MAML2: variants seen among roughly 807,000 people sequenced by gnomAD.
MAML2 encodes the protein mastermind-like protein 2.
In MAML2, 22 loss-of-function variants were observed where a neutral mutation model predicts 96.1. The ratio of observed to expected loss-of-function variants is 0.23; its 90% CI spans 0.16 to 0.33. The LOEUF is 0.33. Ranked by LOEUF, MAML2 falls within the 10% of genes least tolerant of loss-of-function variation. The pLI is 1.00. For synonymous variants in MAML2, 561 were observed against 521.3 expected (o/e 1.08, Z -1.04); for missense variants, 1,367 against 1,392.4 (o/e 0.98, Z 0.29).
At chr11:96,070,707 G>A (rs765131989) in intron 2 of MAML2, among the ~76,000 whole-genome samples, 2 of 152,268 alleles carry the variant, frequency 1.3e-5, no homozygotes, top group Non-Finnish European at 2.9e-5. Flanking sequence ...CAGGTCGGTA[G>A]TGTGAGCTGA....
At chr11:96,006,384 G>A (rs1229736895) in intron 2 of MAML2, among the ~76,000 whole-genome samples, 2 of 152,148 alleles carry the variant, frequency 1.3e-5, no homozygotes, top group Non-Finnish European at 2.9e-5. Flanking sequence ...CTACTGTGGA[G>A]AAGACTGAGG....
rs527744642 is a variant in MAML2 at position 96,042,634 on chromosome 11, G to T, written c.2139+49258C>A. 2.6e-5 allele frequency among the ~76,000 whole-genome samples: 4 copies of T among 152,136 alleles called. No homozygotes were observed. The East Asian group carries it at 5.8e-4, about 22-fold the overall frequency. ...ATCCTACCTTTTCGTCTTTAAGCCA[G>T]GCCTGTTCCCCATGAAGCCTTTTCT... On this transcript the variant is annotated intron_variant, in intron 2 of 4. Coordinates refer to ENST00000524717, the MANE Select transcript of MAML2 (RefSeq NM_032427.4).
chr11:96,034,809 C>T (rs2135749797), intron 2 of MAML2, among the ~76,000 whole-genome samples: 1 of 152,196 alleles, frequency 6.6e-6, no homozygotes, highest in South Asian at 2.1e-4. Context: ...CATATTTTGT[C>T]TAGATGGCAT....
chr11:95,998,326 G>A (rs1183136586), intron 2 of MAML2, among the ~76,000 whole-genome samples: 1 of 152,114 alleles, frequency 6.6e-6, no homozygotes, highest in African/African-American at 2.4e-5. Flanking sequence ...CATTCTTGAT[G>A]TATTATTTGG....
chr11:96,212,795 A>T (rs147784180), intron 1 of MAML2, among the ~76,000 whole-genome samples: 202 of 152,326 alleles, frequency 1.3e-3, no homozygotes, highest in African/African-American at 4.4e-3. Context: ...TCTGACATAA[A>T]GGAGCAAGAA....
At chr11:96,262,284 T>A (rs11021504) in intron 1 of MAML2, among the ~76,000 whole-genome samples, 45,344 of 152,094 alleles carry the variant, frequency 0.3, 8,108 homozygotes, top group East Asian at 0.53. Context: ...TGTGCTGATT[T>A]AAGGTCATTT....
chr11:96,098,524 G>A lies in MAML2; in HGVS notation c.514-5007C>T, dbSNP rs997284990. 6.6e-5 allele frequency among the ~76,000 whole-genome samples: 10 copies of A among 152,320 alleles called. No homozygotes were observed. In the South Asian group the frequency reaches 2.1e-3, roughly 32 times the overall value. ...CCCTTTCACTGGCCATCCGAGGAAG[G>A]GGCTTGTTTTGGGAATGATTTTCAA... is the stretch of plus-strand genomic sequence containing the variant. On this transcript the variant is annotated intron_variant, in intron 1 of 4. Coordinates refer to ENST00000524717, the MANE Select transcript of MAML2 (RefSeq NM_032427.4).
intron 1 of MAML2, among the ~76,000 whole-genome samples, chr11:96,161,403 A>T (rs1179520193): frequency 6.6e-6 from 1 of 152,226 alleles, no homozygotes; most frequent in Non-Finnish European, 1.5e-5. Context: ...CTTGAGCAGA[A>T]CAGCCCGGAT....
At chr11:96,232,391 G>A (rs769371544) in intron 1 of MAML2, among the ~76,000 whole-genome samples, 4 of 152,208 alleles carry the variant, frequency 2.6e-5, no homozygotes, top group Non-Finnish European at 4.4e-5. Flanking sequence ...TATCCAAGGA[G>A]AGCTTCCTAA....
At chr11:96,160,615 A>G (rs1217447107) in intron 1 of MAML2, among the ~76,000 whole-genome samples, 1 of 152,050 alleles carries the variant, frequency 6.6e-6, no homozygotes. Context: ...TTTAGTACAT[A>G]TGGGGTTTTG....
intron 1 of MAML2, among the ~76,000 whole-genome samples, chr11:96,159,404 A>ATTTTTTTTTTTTTTTTGTTTTTTT (rs1157893034): frequency 1.6e-5 from 1 of 62,000 alleles, no homozygotes; most frequent in Non-Finnish European, 3.2e-5. Context: ...TAAACCACTG[A>ATTTTTTTTTTTTTTTTGTTTTTTT]TTCTTTTTTT....
At chr11:96,168,784 G>A (rs1289254875) in intron 1 of MAML2, among the ~76,000 whole-genome samples, 1 of 152,152 alleles carries the variant, frequency 6.6e-6, no homozygotes, top group Non-Finnish European at 1.5e-5. Flanking sequence ...GGGAGGAAAT[G>A]AAGTACATAA....
intron 2 of MAML2, among the ~76,000 whole-genome samples, chr11:96,085,457 A>C (rs1859594580): frequency 6.6e-6 from 1 of 152,164 alleles, no homozygotes; most frequent in African/African-American, 2.4e-5. Context: ...CTTCTACCAA[A>C]CTGATAACAA....
At chr11:96,041,492 A>G (rs989827257) in intron 2 of MAML2, among the ~76,000 whole-genome samples, 4 of 120,098 alleles carry the variant, frequency 3.3e-5, no homozygotes, top group Admixed American at 1.9e-4. Context: ...GAAAGAAAGA[A>G]GGAAAGGAAG....
At chr11:96,164,877 T>C (rs2135893335) in intron 1 of MAML2, among the ~76,000 whole-genome samples, 1 of 152,318 alleles carries the variant, frequency 6.6e-6, no homozygotes, top group East Asian at 1.9e-4. Context: ...AACCCACCCA[T>C]CCTTTCTATT....
intron 2 of MAML2, among the ~76,000 whole-genome samples, chr11:95,999,251 G>C (rs979647476): frequency 6.6e-6 from 1 of 152,016 alleles, no homozygotes; most frequent in Non-Finnish European, 1.5e-5. Flanking sequence ...CTGGCTACTA[G>C]GTGTTACTTT....
At chr11:96,256,420 C>T (rs916921810) in intron 1 of MAML2, among the ~76,000 whole-genome samples, 3 of 152,136 alleles carry the variant, frequency 2.0e-5, no homozygotes, top group Admixed American at 6.5e-5. Context: ...TCTTCCTGCC[C>T]CACACACAGC....
At chr11:96,044,303 G>C (rs1229567665) in intron 2 of MAML2, among the ~76,000 whole-genome samples, 2 of 152,212 alleles carry the variant, frequency 1.3e-5, no homozygotes, top group African/African-American at 4.8e-5. Flanking sequence ...TAAGTATTTT[G>C]TAGAATATAG....
chr11:96,286,318 C>A (rs1245705001), intron 1 of MAML2, among the ~76,000 whole-genome samples: 1 of 152,122 alleles, frequency 6.6e-6, no homozygotes, highest in East Asian at 1.9e-4. Flanking sequence ...AGAGTCAGTC[C>A]TGTCGGAGGG....
Sources: allele counts gnomAD v4.1 joint callset (sites outside exome capture counted in the v4.1 genomes callset), GRCh38; gene constraint gnomAD v4.1.1; transcripts MANE v1.5; gene names NCBI Gene and HGNC (gene_info 2026-07-23, HGNC 2026-07-21).